Variants in METTL15 observed in about 807,000 individuals in gnomAD.
The protein encoded by METTL15 is 12S rRNA N(4)-cytidine methyltransferase METTL15.
METTL15 carries 34 observed loss-of-function variants against 38.3 expected under a neutral mutation model. That is an observed-to-expected ratio of 0.89 (90% CI 0.68 to 1.18). METTL15 has a LOEUF of 1.18. Among genes scored for constraint, METTL15 ranks in the 50% most tolerant of loss-of-function variants. METTL15 has a pLI of 0.00. For synonymous variants in METTL15, 162 were observed against 170.9 expected (o/e 0.95, Z 0.41); for missense variants, 438 against 498.4 (o/e 0.88, Z 1.15).
At chr11:28,464,802 C>T (rs185454517) in intron 6 of METTL15, among the ~76,000 whole-genome samples, 2 of 152,276 alleles carry the variant, frequency 1.3e-5, no homozygotes, top group African/African-American at 4.8e-5. Flanking sequence ...AGAACTATTT[C>T]CTCTAAACTC....
At chr11:28,258,313 A>G (rs1160153840) in intron 4 of METTL15, among the ~76,000 whole-genome samples, 2 of 152,136 alleles carry the variant, frequency 1.3e-5, no homozygotes, top group African/African-American at 4.8e-5. Flanking sequence ...CACTGTGACT[A>G]TGCTGGGTCA....
At chr11:28,245,953 A>C (rs942354774) in intron 4 of METTL15, among the ~76,000 whole-genome samples, 4 of 152,206 alleles carry the variant, frequency 2.6e-5, no homozygotes, top group African/African-American at 9.6e-5. Context: ...CATGGGAATT[A>C]CAATTTGACA....
At chr11:28,380,128 A>T (rs112762231) in intron 5 of METTL15, among the ~76,000 whole-genome samples, 4 of 149,122 alleles carry the variant, frequency 2.7e-5, no homozygotes, top group African/African-American at 9.8e-5. Flanking sequence ...TAAGCAACAT[A>T]TAGTTAGATC....
chr11:28,264,821 C>A (rs1855347432), intron 4 of METTL15, among the ~76,000 whole-genome samples: 1 of 152,056 alleles, frequency 6.6e-6, no homozygotes, highest in African/African-American at 2.4e-5. Context: ...CTTATCTATA[C>A]AATGAAGAGT....
At chr11:28,215,189 G>C (rs908200479) in intron 4 of METTL15, among the ~76,000 whole-genome samples, 5 of 152,244 alleles carry the variant, frequency 3.3e-5, no homozygotes, top group Non-Finnish European at 7.4e-5. Flanking sequence ...CCTTTTTGCT[G>C]GGTGTGAAGG....
chr11:28,494,552 A>G (rs1052816266), intron 6 of METTL15, among the ~76,000 whole-genome samples: 5 of 152,056 alleles, frequency 3.3e-5, no homozygotes, highest in African/African-American at 1.2e-4. Flanking sequence ...AGAAGATAAC[A>G]TCTCTCTGAG....
At chr11:28,339,116 A>G (rs1261126485) in intron 3 of METTL15, among the ~76,000 whole-genome samples, 1 of 152,108 alleles carries the variant, frequency 6.6e-6, no homozygotes, top group Non-Finnish European at 1.5e-5. Context: ...GTTGGATTAA[A>G]TTGATCCTAG....
At chr11:28,518,570 C>G in intron 6 of METTL15, among the ~76,000 whole-genome samples, 1 of 152,204 alleles carries the variant, frequency 6.6e-6, no homozygotes, top group East Asian at 1.9e-4. Context: ...CAGCAAGGGT[C>G]TTCAGAAAGT....
chr11:28,150,879 C>T (rs1850059554), intron 3 of METTL15, among the ~76,000 whole-genome samples: 1 of 151,522 alleles, frequency 6.6e-6, no homozygotes, highest in Non-Finnish European at 1.5e-5. Context: ...GAAATACTCC[C>T]ACACCATGTT....
At position 28,332,648 on chromosome 11, in the gene METTL15, T is replaced by C. The variant is rs1849847156; in HGVS notation, c.*1807T>C. 1 of 149,608 alleles carries C rather than the reference T, an allele frequency of 6.7e-6. No homozygotes were observed. The allele number at this position is 149,608 out of a possible 1,614,324, so 9.3% of individuals were successfully genotyped here. On this transcript the variant is annotated 3_prime_UTR_variant, in exon 7 of 7. Coordinates refer to ENST00000407364, the MANE Select transcript of METTL15 (RefSeq NM_001113528.2). The stretch of plus-strand genomic sequence containing the variant: ...GGGCAGGCCCTTAATCCAATATGAC[T>C]GGTGTTCCTTATAAGAGAAGATAGG...
chr11:28,294,869 T>G (rs988903366), intron 5 of METTL15, among the ~76,000 whole-genome samples: 2 of 152,164 alleles, frequency 1.3e-5, no homozygotes, highest in African/African-American at 4.8e-5. Flanking sequence ...AGAGTAAAAT[T>G]ATGTGTTGAA....
intron 3 of METTL15, among the ~76,000 whole-genome samples, chr11:28,186,975 G>A (rs1008122503): frequency 6.6e-6 from 1 of 150,906 alleles, no homozygotes; most frequent in Non-Finnish European, 1.5e-5. Context: ...TAACTACAGT[G>A]TTAATATACT....
chr11:28,313,828 G>T (rs932459197), intron 6 of METTL15, among the ~76,000 whole-genome samples: 2 of 151,716 alleles, frequency 1.3e-5, no homozygotes, highest in African/African-American at 2.4e-5. Context: ...TAAATAATTT[G>T]GGCATATTTA....
intron 4 of METTL15, among the ~76,000 whole-genome samples, chr11:28,223,468 A>T (rs1565181460): frequency 1.3e-5 from 2 of 152,186 alleles, no homozygotes; most frequent in East Asian, 3.8e-4. Flanking sequence ...GATAGATTAC[A>T]TATCTTCTTA....
chr11:28,419,154 C>T (rs562528532), intron 5 of METTL15, among the ~76,000 whole-genome samples: 2 of 152,248 alleles, frequency 1.3e-5, no homozygotes, highest in African/African-American at 4.8e-5. Flanking sequence ...TAGGCAATAG[C>T]CAAGTAGTGA....
intron 3 of METTL15, among the ~76,000 whole-genome samples, chr11:28,119,041 C>G (rs1473308404): frequency 1.3e-5 from 2 of 152,106 alleles, no homozygotes; most frequent in African/African-American, 4.8e-5. Context: ...GTACTGTTTC[C>G]TCTTTCTGGA....
chr11:28,170,479 A>G (rs1850817535), intron 3 of METTL15, among the ~76,000 whole-genome samples: 1 of 152,152 alleles, frequency 6.6e-6, no homozygotes, highest in Non-Finnish European at 1.5e-5. Context: ...AAGTAAAGGA[A>G]TAAAAGAATG....
At chr11:28,275,851 A>G (rs968678258) in intron 4 of METTL15, among the ~76,000 whole-genome samples, 1 of 152,080 alleles carries the variant, frequency 6.6e-6, no homozygotes, top group African/African-American at 2.4e-5. Context: ...AAAGCCATAT[A>G]TTAATCTCAG....
intron 3 of METTL15, chr11:28,123,907 G>A: frequency 1.4e-6 from 2 of 1,455,420 alleles, no homozygotes; most frequent in Non-Finnish European, 1.8e-6. Flanking sequence ...TAAAGATGGA[G>A]AATTTCCCAC....
Sources: allele counts gnomAD v4.1 joint callset (sites outside exome capture counted in the v4.1 genomes callset), GRCh38; gene constraint gnomAD v4.1.1; transcripts MANE v1.5; gene names NCBI Gene and HGNC (gene_info 2026-07-23, HGNC 2026-07-21).